The following PFKFB3 variants were observed in gnomAD, a reference collection of about 807,000 sequenced individuals.
The protein encoded by PFKFB3 is 6-phosphofructo-2-kinase/fructose-2,6-biphosphatase 3.
A neutral mutation model predicts 68.0 loss-of-function variants in PFKFB3; 33 were observed. That is an observed-to-expected ratio of 0.49 (90% CI 0.37 to 0.65). PFKFB3 has a LOEUF of 0.65. PFKFB3 is among the 30% of genes least tolerant of loss of function. The pLI is 0.00. For missense variants in PFKFB3, 586 were observed against 712.2 expected, an observed-to-expected ratio of 0.82 and a Z score of 2.02; for synonymous variants, 315 against 288.2, an observed-to-expected ratio of 1.09 and a Z score of -0.94.
intron 1 of PFKFB3, among the ~76,000 whole-genome samples, chr10:6,163,508 G>T (rs1440391955): frequency 6.6e-6 from 1 of 152,132 alleles, no homozygotes; most frequent in Non-Finnish European, 1.5e-5. Context: ...GGGTAGGTGG[G>T]GACCCAGCTG....
chr10:6,205,920 G>A (rs1453992820), intron 1 of PFKFB3, among the ~76,000 whole-genome samples: 2 of 151,536 alleles, frequency 1.3e-5, no homozygotes, highest in Admixed American at 6.6e-5. Context: ...GCCTCAGCCT[G>A]TCCAGTAGCC....
At chr10:6,307,370 C>T in the PFKFB3 span, among the ~76,000 whole-genome samples, 1 of 148,732 alleles carries the variant, frequency 6.7e-6, no homozygotes, top group Admixed American at 6.7e-5. Flanking sequence ...CACACACACT[C>T]ACCCTACTGG....
chr10:6,221,751 C>T lies in PFKFB3; in HGVS notation c.1083+6C>T, dbSNP rs376497958. 1.2e-4 allele frequency: 183 copies of T among 1,581,222 alleles called. No homozygotes were observed. The highest frequency in any genetic ancestry group is 1.5e-4 in the Non-Finnish European group (170 of 1,162,384). On this transcript the variant is annotated splice_donor_region_variant and intron_variant, in intron 10 of 14. Transcript: ENST00000379775. Reference sequence around the variant, plus strand: ...ACCGCTACCCCACCGGGGAGGTGAGCGCAGGCTGGGGCGGGCTGACGGTCC... The same window carrying T: ...ACCGCTACCCCACCGGGGAGGTGAGTGCAGGCTGGGGCGGGCTGACGGTCC...
At chr10:6,281,592 TC>T in the PFKFB3 span, among the ~76,000 whole-genome samples, 1 of 152,016 alleles carries the variant, frequency 6.6e-6, no homozygotes, top group East Asian at 1.9e-4. Flanking sequence ...CCACTGTTTT[TC>T]CCCCACCCTC....
chr10:6,227,308 A>AC (rs1845425778), intron 14 of PFKFB3, among the ~76,000 whole-genome samples: 1 of 152,128 alleles, frequency 6.6e-6, no homozygotes, highest in Non-Finnish European at 1.5e-5. Context: ...GGTCTGCCCT[A>AC]CCTCCACCCT....
intron 1 of PFKFB3, among the ~76,000 whole-genome samples, chr10:6,205,882 C>T (rs1262503481): frequency 6.6e-6 from 1 of 152,000 alleles, no homozygotes; most frequent in Non-Finnish European, 1.5e-5. Flanking sequence ...ACTGTAACCA[C>T]CAACTCTTGG....
intron 1 of PFKFB3, among the ~76,000 whole-genome samples, chr10:6,192,664 C>CATGTGTGTGTGTGTGT (rs1285620223): frequency 7.0e-5 from 9 of 128,792 alleles, no homozygotes; most frequent in African/African-American, 2.6e-4. Flanking sequence ...TCCCCTCACC[C>CATGTGTGTGTGTGTGT]GTGTGTGTGT....
At chr10:6,238,477 C>CAAAAAAAAAAAAAAAAAAAAAAAAAA (rs71390201), downstream of PFKFB3, among the ~76,000 whole-genome samples, 1 of 89,556 alleles carries the variant, frequency 1.1e-5, no homozygotes, top group Non-Finnish European at 2.0e-5. Flanking sequence ...GGTGCCATCT[C>CAAAAAAAAAAAAAAAAAAAAAAAAAA]AAAAAAAAAA....
chr10:6,326,567 G>T, the PFKFB3 span: 1 of 455,822 alleles, frequency 2.2e-6, no homozygotes, highest in East Asian at 7.1e-5. Context: ...CCAGTAAGGA[G>T]CTCCACCGTG....
At chr10:6,175,230 A>G (rs186367410) in intron 1 of PFKFB3, among the ~76,000 whole-genome samples, 45 of 152,308 alleles carry the variant, frequency 3.0e-4, no homozygotes, top group African/African-American at 1.1e-3. Flanking sequence ...TTGTCATTTC[A>G]ATGGCCATTA....
At chr10:6,248,871 G>T (rs1415582086) in intron 14 of PFKFB3, among the ~76,000 whole-genome samples, 2 of 152,088 alleles carry the variant, frequency 1.3e-5, no homozygotes, top group Non-Finnish European at 2.9e-5. Context: ...TGGTGAGGAT[G>T]TGGAGAAAAG....
At chr10:6,179,710 G>C (rs75889531) in intron 1 of PFKFB3, among the ~76,000 whole-genome samples, 1,577 of 152,266 alleles carry the variant, frequency 0.01, 17 homozygotes, top group South Asian at 0.061. Context: ...AGGTGCCAAG[G>C]CTGCGGCAGC....
chr10:6,211,821 G>A (rs1844250072), intron 1 of PFKFB3, among the ~76,000 whole-genome samples: 1 of 152,244 alleles, frequency 6.6e-6, no homozygotes, highest in African/African-American at 2.4e-5. Flanking sequence ...TACTCTGCCT[G>A]CTGAGAAGGC....
chr10:6,254,175 T>C (rs1846449890), intron 14 of PFKFB3: 1 of 397,470 alleles, frequency 2.5e-6, no homozygotes, highest in Non-Finnish European at 4.4e-6. Flanking sequence ...CCTTCCTGTT[T>C]AGGAGTTAAA....
chr10:6,275,284 C>T, the PFKFB3 span, among the ~76,000 whole-genome samples: 13 of 152,208 alleles, frequency 8.5e-5, no homozygotes, highest in Non-Finnish European at 1.8e-4. This position sits in a 1 kb window ranked among gnomAD's most constrained non-coding sequence, Gnocchi z 4.9. Context: ...GCCGTGGCTC[C>T]GGTAGATTTC....
chr10:6,151,922 G>T (rs78817847), intron 1 of PFKFB3, among the ~76,000 whole-genome samples: 1 of 150,718 alleles, frequency 6.6e-6, no homozygotes, highest in Admixed American at 6.6e-5. Flanking sequence ...GGACAGAACC[G>T]CCCTCCTGCA....
intron 14 of PFKFB3, 149 bp from the exon 15 acceptor site, chr10:6,232,746 G>A: frequency 1.5e-6 from 1 of 679,278 alleles, no homozygotes; most frequent in Non-Finnish European, 2.6e-6. Flanking sequence ...CCGCCTGTGA[G>A]GTTGGCAGCA....
chr10:6,206,576 A>AG (rs71499656), intron 1 of PFKFB3, among the ~76,000 whole-genome samples: 96,749 of 132,294 alleles, frequency 0.73, 35,127 homozygotes, highest in East Asian at 0.98. Flanking sequence ...CTGGCCGGGC[A>AG]GGGGCTGACC....
At chr10:6,206,401 CT>C (rs1261484428) in intron 1 of PFKFB3, among the ~76,000 whole-genome samples, 1 of 105,574 alleles carries the variant, frequency 9.5e-6, no homozygotes, top group East Asian at 2.6e-4. Context: ...TTCCCCGCCC[CT>C]TTCCCCCCTT....
Sources: allele counts gnomAD v4.1 joint callset (sites outside exome capture counted in the v4.1 genomes callset), GRCh38; gene constraint gnomAD v4.1.1; non-coding constraint Gnocchi (gnomAD v3.1); transcripts MANE v1.5; gene names NCBI Gene and HGNC (gene_info 2026-07-23, HGNC 2026-07-21).